Variants in IFIH1 observed in about 807,000 individuals in gnomAD.
IFIH1 encodes the protein interferon induced with helicase C domain 1.
IFIH1 carries 125 observed loss-of-function variants against 107.4 expected under a neutral mutation model. That is an observed-to-expected ratio of 1.16 (90% CI 1.01 to 1.35). The LOEUF is 1.35. IFIH1 is among the 40% of genes most tolerant of loss of function. IFIH1 has a pLI of 0.00. For missense variants in IFIH1, 1,333 were observed against 1,213.7 expected (o/e 1.10, Z -1.46); for synonymous variants, 458 against 413.2 (o/e 1.11, Z -1.31).
intron 1 of IFIH1, among the ~76,000 whole-genome samples, chr2:162,313,039 G>C (rs1039860959): frequency 2.6e-5 from 4 of 152,070 alleles, no homozygotes; most frequent in Non-Finnish European, 5.9e-5. Flanking sequence ...CCGTTATTGA[G>C]TCCAAGCATA....
intron 4 of IFIH1, among the ~76,000 whole-genome samples, chr2:162,289,379 A>G (rs920054066): frequency 1.3e-5 from 2 of 151,718 alleles, no homozygotes; most frequent in Non-Finnish European, 2.9e-5. Context: ...CTATATTACC[A>G]GGGGAAAAAG....
intron 5 of IFIH1, among the ~76,000 whole-genome samples, chr2:162,285,789 A>T (rs1419364097): frequency 6.6e-6 from 1 of 152,066 alleles, no homozygotes; most frequent in Non-Finnish European, 1.5e-5. Context: ...AGGAAGATGC[A>T]TCAGACACAT....
chr2:162,314,107 G>A (rs967817928), intron 1 of IFIH1, among the ~76,000 whole-genome samples: 2 of 152,048 alleles, frequency 1.3e-5, no homozygotes, highest in Non-Finnish European at 2.9e-5. Context: ...GATCACTTTC[G>A]TTCCCAGAGT....
At chr2:162,272,080 G>A in intron 13 of IFIH1, 146 bp downstream of exon 13, 1 of 667,248 alleles carries the variant, frequency 1.5e-6, no homozygotes, top group Non-Finnish European at 2.6e-6. Flanking sequence ...TTCTCTGCAT[G>A]TGAATCTGGA....
At chr2:162,287,010 A>G (rs935324963) in intron 5 of IFIH1, among the ~76,000 whole-genome samples, 6 of 152,024 alleles carry the variant, frequency 3.9e-5, no homozygotes, top group Admixed American at 2.6e-4. Flanking sequence ...CATTTAAAAA[A>G]ATAATATCCT....
intron 3 of IFIH1, among the ~76,000 whole-genome samples, chr2:162,301,764 C>T (rs1334612732): frequency 6.6e-6 from 1 of 152,144 alleles, no homozygotes; most frequent in Non-Finnish European, 1.5e-5. Context: ...CTTAGTGTCT[C>T]TCTGATGTTT....
intron 1 of IFIH1, among the ~76,000 whole-genome samples, chr2:162,312,838 C>T (rs1010861590): frequency 6.6e-6 from 1 of 152,112 alleles, no homozygotes; most frequent in African/African-American, 2.4e-5. Context: ...TATTTTATTA[C>T]CCCATCCTTT....
chr2:162,304,471 G>A (rs112398143), intron 3 of IFIH1, among the ~76,000 whole-genome samples: 2 of 151,812 alleles, frequency 1.3e-5, no homozygotes, highest in African/African-American at 4.8e-5. Context: ...CCCTGTCCCC[G>A]CCTGCCCCCA....
At position 162,318,259 on chromosome 2, in the gene IFIH1, A is replaced by T; in HGVS notation, c.49T>A (p.Cys17Ser). Reference sequence around the variant, plus strand: ...TACATTTTCACCCTGGCCCTGAAGCACGAGATGAGATAGCGGAAATTCTCG... The same window carrying T: ...TACATTTTCACCCTGGCCCTGAAGCTCGAGATGAGATAGCGGAAATTCTCG... ...TDENFRYLISCFRARVKMYIQ... is the reference protein window; with the variant it reads ...TDENFRYLISSFRARVKMYIQ... Residue 17 changes from cysteine to serine, a missense_variant, in exon 1 of 16, where the codon TGC (cysteine) becomes AGC (serine). Coordinates refer to ENST00000649979, the MANE Select transcript of IFIH1 (RefSeq NM_022168.4). 6.2e-7 allele frequency: 1 copy of T among 1,614,146 alleles called. No individual in the cohort carries two copies. The highest frequency in any genetic ancestry group is 8.5e-7 in the Non-Finnish European group (1 of 1,180,020).
At chr2:162,297,900 T>C (rs1027287206) in intron 3 of IFIH1, among the ~76,000 whole-genome samples, 8 of 152,122 alleles carry the variant, frequency 5.3e-5, no homozygotes, top group African/African-American at 1.7e-4. Flanking sequence ...AAAAGCCTTA[T>C]TTTGCAATCA....
At chr2:162,297,828 A>G (rs1206315845) in intron 3 of IFIH1, among the ~76,000 whole-genome samples, 1 of 152,116 alleles carries the variant, frequency 6.6e-6, no homozygotes, top group Admixed American at 6.6e-5. Flanking sequence ...CAACACAAAA[A>G]AGAACAGCCT....
chr2:162,303,791 T>C (rs1041882579), intron 3 of IFIH1, among the ~76,000 whole-genome samples: 1 of 152,212 alleles, frequency 6.6e-6, no homozygotes, highest in Non-Finnish European at 1.5e-5. Flanking sequence ...TTTAATTTTG[T>C]TCACTAGAAG....
chr2:162,271,099 A>T (rs922304760), intron 13 of IFIH1, among the ~76,000 whole-genome samples: 1 of 152,188 alleles, frequency 6.6e-6, no homozygotes, highest in African/African-American at 2.4e-5. Flanking sequence ...ATAGAAATAC[A>T]TTCTTTCTTC....
In IFIH1 at chr2:162,281,445, AT is replaced by A; in HGVS notation, c.1406del (p.Asn469IlefsTer10). 6.2e-7 allele frequency: 1 copy of A among 1,612,386 alleles called. No individual in the cohort carries two copies. Among genetic ancestry groups the A allele is most frequent in the Non-Finnish European group, 8.5e-7 (1 of 1,178,918 alleles). ...CTGGTTTGTTTTCTTTCTTGAGTCT[AT>A]TGTTTTTCAACTTCTGCATCAAATA... Reference protein sequence around the residue: ...RHYLMQKLKNNRLKKENKPVI... With the variant: ...RHYLMQKLKNXRLKKENKPVI... On this transcript the variant is annotated frameshift_variant, in exon 7 of 16. Coordinates refer to ENST00000649979, the MANE Select transcript of IFIH1 (RefSeq NM_022168.4). LOFTEE classifies it high-confidence loss of function.
At chr2:162,282,063 T>A (rs1186260340) in intron 6 of IFIH1, among the ~76,000 whole-genome samples, 1 of 151,980 alleles carries the variant, frequency 6.6e-6, no homozygotes, top group Non-Finnish European at 1.5e-5. Flanking sequence ...AAGATTTGTA[T>A]TTTTATTCTA....
chr2:162,287,992 T>C (rs1270613397), intron 5 of IFIH1, 143 bp downstream of exon 5: 1 of 605,688 alleles, frequency 1.7e-6, no homozygotes, highest in African/African-American at 1.9e-5. Flanking sequence ...TAAAAAAGAT[T>C]AAAGATAAAA....
chr2:162,297,608 G>T (rs1341265668), intron 3 of IFIH1, among the ~76,000 whole-genome samples: 2 of 152,104 alleles, frequency 1.3e-5, no homozygotes, highest in African/African-American at 2.4e-5. Flanking sequence ...TTTGAATATT[G>T]AAGTTATATT....
chr2:162,272,492 G>T (rs1181158714), intron 12 of IFIH1, 105 bp from the exon 13 acceptor site: 13 of 962,134 alleles, frequency 1.4e-5, no homozygotes, highest in Non-Finnish European at 1.7e-5. Context: ...ATGATATTGG[G>T]TTGTTCAGCA....
intron 1 of IFIH1, among the ~76,000 whole-genome samples, 185 bp from the exon 2 acceptor site, chr2:162,311,118 CG>C (rs1271306652): frequency 6.8e-6 from 1 of 147,610 alleles, no homozygotes; most frequent in Non-Finnish European, 1.5e-5. Context: ...AAAAAATCTC[CG>C]GGACAACAAC....
Sources: allele counts gnomAD v4.1 joint callset (sites outside exome capture counted in the v4.1 genomes callset), GRCh38; gene constraint gnomAD v4.1.1; transcripts MANE v1.5; gene names NCBI Gene and HGNC (gene_info 2026-07-23, HGNC 2026-07-21).